Variants in RBPJ observed in about 807,000 individuals in gnomAD.
RBPJ encodes recombination signal binding protein for immunoglobulin kappa J region.
In RBPJ, 9 loss-of-function variants were observed where a neutral mutation model predicts 67.8. The ratio of observed to expected loss-of-function variants is 0.13; its 90% CI spans 0.08 to 0.23. The LOEUF (loss-of-function observed/expected upper bound fraction) is 0.23, where lower values mean the gene tolerates loss of function less well. RBPJ is among the 10% of genes least tolerant of loss of function. RBPJ has a pLI of 1.00. For missense variants in RBPJ, 305 were observed against 595.6 expected (o/e 0.51, Z 5.08); for synonymous variants, 198 against 203.3 (o/e 0.97, Z 0.22).
chr4:26,295,003 ATTACTCTGTTCACCAGGCTTTG>A (rs1338323481), intron 1 of RBPJ, among the ~76,000 whole-genome samples: 2 of 152,168 alleles, frequency 1.3e-5, no homozygotes. Context: ...CCTGGAGGGT[ATTACTCTGTTCACCAGGCTTTG>A]CCCTTCTTAG....
chr4:26,379,027 C>G (rs1454905821), intron 1 of RBPJ, among the ~76,000 whole-genome samples: 1 of 151,764 alleles, frequency 6.6e-6, no homozygotes, highest in Non-Finnish European at 1.5e-5. Context: ...CTCTCCGTCT[C>G]AATAAAATAA....
chr4:26,210,767 C>T (rs1718385954), intron 1 of RBPJ, among the ~76,000 whole-genome samples: 1 of 131,174 alleles, frequency 7.6e-6, no homozygotes, highest in Non-Finnish European at 1.6e-5. Flanking sequence ...TTCTTTCTTT[C>T]TTTCTTTCTT....
the RBPJ span, among the ~76,000 whole-genome samples, chr4:26,135,243 G>A: frequency 6.6e-6 from 1 of 152,026 alleles, no homozygotes; most frequent in African/African-American, 2.4e-5. Flanking sequence ...CCTAATTCCA[G>A]ATCTTAGCAC....
intron 1 of RBPJ, among the ~76,000 whole-genome samples, chr4:26,372,400 A>G (rs1423843978): frequency 1.8e-4 from 27 of 152,252 alleles, no homozygotes; most frequent in Admixed American, 1.8e-3. Flanking sequence ...GCTCATCTTT[A>G]AAGAAAAACT....
chr4:26,249,472 C>T (rs1351817975), intron 1 of RBPJ, among the ~76,000 whole-genome samples: 3 of 151,992 alleles, frequency 2.0e-5, no homozygotes, highest in Non-Finnish European at 4.4e-5. Context: ...CCAGCCTGGC[C>T]AACATGGTGA....
chr4:26,242,405 C>CCG (rs1286875094), intron 1 of RBPJ, among the ~76,000 whole-genome samples: 2 of 150,352 alleles, frequency 1.3e-5, no homozygotes, highest in African/African-American at 4.9e-5. Context: ...GGAGATTGCG[C>CCG]CGCTGTACTC....
At position 26,345,667 on chromosome 4, in the gene RBPJ, T is replaced by C. The variant is rs1242288741; in HGVS notation, c.20+24619T>C. Among the ~76,000 whole-genome samples, 83 of 152,228 alleles carry C rather than the reference T, an allele frequency of 5.5e-4. 1 individual carries two copies. The highest frequency in any genetic ancestry group is 2.9e-5 in the Non-Finnish European group (2 of 68,036). Reference sequence around the variant, plus strand: ...CGCCTGGTAGCTAGTACTTTACTTTTCTTATCACAAGTCCCCTTTCTGCCT... The same window carrying C: ...CGCCTGGTAGCTAGTACTTTACTTTCCTTATCACAAGTCCCCTTTCTGCCT... On this transcript the variant is annotated intron_variant, in intron 1 of 10. Transcript: ENST00000355476.
the RBPJ span, among the ~76,000 whole-genome samples, chr4:26,150,391 C>T: frequency 6.6e-6 from 1 of 152,298 alleles, no homozygotes; most frequent in African/African-American, 2.4e-5. Context: ...CCTTTTCACC[C>T]CCACTGGGTG....
At chr4:26,139,255 G>T in the RBPJ span, among the ~76,000 whole-genome samples, 1 of 152,180 alleles carries the variant, frequency 6.6e-6, no homozygotes, top group Admixed American at 6.5e-5. Flanking sequence ...CCTTTATAAG[G>T]TTTTCTTGAA....
chr4:26,130,745 T>C, the RBPJ span, among the ~76,000 whole-genome samples: 6 of 152,336 alleles, frequency 3.9e-5, no homozygotes, highest in South Asian at 2.1e-4. Flanking sequence ...TTGATGTGAA[T>C]TATGTTTCTT....
At position 26,431,184 on chromosome 4, in the gene RBPJ, T is replaced by TAAAAAAAAAAAAAAAAAAAAAAAAAAAA. The variant is rs897964346; in HGVS notation, c.*204_*205insAAAAAAAAAAAAAAAAAAAAAAAAAAAA. 24 of 40,658 alleles carry TAAAAAAAAAAAAAAAAAAAAAAAAAAAA rather than the reference T, an allele frequency of 5.9e-4. 1 individual carries two copies. Among genetic ancestry groups the TAAAAAAAAAAAAAAAAAAAAAAAAAAAA allele is most frequent in the South Asian group, 9.9e-4 (1 of 1,010 alleles). The allele number at this position is 40,658 out of a possible 1,614,324, so 2.5% of individuals were successfully genotyped here. A position where few individuals can be genotyped will look rare whatever the true frequency, so the allele number is the denominator to read the frequency against. On this transcript the variant is annotated 3_prime_UTR_variant, in exon 11 of 11. Transcript: ENST00000355476. ...CTGATTTGAAATGCAGAAGCCACAG[T>TAAAAAAAAAAAAAAAAAAAAAAAAAAAA]AAAAAAAAAAAAAAAAAAAAAAAAA...
At chr4:26,135,616 T>C in the RBPJ span, among the ~76,000 whole-genome samples, 1 of 152,064 alleles carries the variant, frequency 6.6e-6, no homozygotes, top group African/African-American at 2.4e-5. Context: ...TCCTCGGAGC[T>C]TCTACCAATA....
chr4:26,428,475 T>G (rs1004719854), intron 7 of RBPJ: 1 of 165,648 alleles, frequency 6.0e-6, no homozygotes, highest in African/African-American at 2.6e-5. Flanking sequence ...GCCTGCCTGA[T>G]TTTTTTTTTT....
At chr4:26,244,928 C>A (rs538103966) in intron 1 of RBPJ, among the ~76,000 whole-genome samples, 1 of 151,964 alleles carries the variant, frequency 6.6e-6, no homozygotes, top group Non-Finnish European at 1.5e-5. Context: ...ATTTTAATTT[C>A]TAATAAGAAT....
the RBPJ span, chr4:26,112,627 C>T: frequency 7.3e-6 from 1 of 136,068 alleles, no homozygotes; most frequent in Non-Finnish European, 1.5e-5. Context: ...TGTGGAAGAA[C>T]TTTCACTGTT....
intron 1 of RBPJ, among the ~76,000 whole-genome samples, chr4:26,194,245 GA>G (rs1717672357): frequency 1.3e-5 from 2 of 152,160 alleles, no homozygotes; most frequent in Admixed American, 1.3e-4. Flanking sequence ...TTTCCCATTG[GA>G]TAGTTGACAC....
In RBPJ at chr4:26,306,921, T is replaced by TCAAGATTTAGAATAAATCTTG. The variant is rs1265448820; in HGVS notation, c.-166-55525_-166-55524insCAAGATTTAGAATAAATCTTG. Reference sequence around the variant, plus strand: ...ATATTTTAAAATAAATCTTGTTGCATTTCTCATCATTTTATACTTTCGTAA... The same window carrying TCAAGATTTAGAATAAATCTTG: ...ATATTTTAAAATAAATCTTGTTGCATCAAGATTTAGAATAAATCTTGTTCTCATCATTTTATACTTTCGTAA... On this transcript the variant is annotated intron_variant, in intron 1 of 4. Transcript: ENST00000512351. 5.9e-5 allele frequency among the ~76,000 whole-genome samples: 9 copies of TCAAGATTTAGAATAAATCTTG among 152,042 alleles called. 1 individual carries two copies. The highest frequency in any genetic ancestry group is 3.9e-4 in the Admixed American group (6 of 15,268).
upstream of RBPJ, among the ~76,000 whole-genome samples, chr4:26,315,100 G>A (rs552390008): frequency 5.7e-4 from 73 of 127,652 alleles, no homozygotes; most frequent in South Asian, 5.6e-3. Flanking sequence ...CACGGAGATC[G>A]TGCCACTGCA....
intron 1 of RBPJ, among the ~76,000 whole-genome samples, chr4:26,208,309 A>G (rs1249114977): frequency 1.3e-5 from 2 of 152,220 alleles, no homozygotes; most frequent in African/African-American, 4.8e-5. Context: ...AAAAGTGCAG[A>G]AGTTTGGATT....
Sources: gnomAD v4.1 joint callset for allele counts (sites outside exome capture counted in the v4.1 genomes callset) on GRCh38, gnomAD v4.1.1 for gene constraint, MANE v1.5 for transcripts, NCBI Gene and HGNC (gene_info 2026-07-23, HGNC 2026-07-21) for gene names.